FBXL17: variants seen among roughly 807,000 people sequenced by gnomAD.
FBXL17 encodes the protein F-box/LRR-repeat protein 17.
FBXL17 carries 22 observed loss-of-function variants against 66.2 expected under a neutral mutation model. The ratio of observed to expected loss-of-function variants is 0.33; its 90% CI spans 0.24 to 0.47. FBXL17 has a LOEUF of 0.47. Among genes scored for constraint, FBXL17 ranks in the 20% least tolerant of loss-of-function variants. FBXL17 has a pLI of 1.00. For missense variants in FBXL17, 878 were observed against 948.2 expected (o/e 0.93, Z 0.97); for synonymous variants, 474 against 400.5 (o/e 1.18, Z -2.19).
rs191170527 is a variant in FBXL17, at chr5:108,166,176, A to C, written c.1745+19941T>G. Among the ~76,000 whole-genome samples, 7 of 152,360 alleles carry C rather than the reference A, an allele frequency of 4.6e-5. No homozygotes were observed. In the East Asian group the frequency reaches 1.3e-3, roughly 29 times the overall value. On this transcript the variant is annotated intron_variant, in intron 6 of 8. Coordinates refer to ENST00000542267, the MANE Select transcript of FBXL17 (RefSeq NM_001163315.3). ...GAGTCAAGTGAGACTTTGATGTTGC[A>C]TTCCACTGTAATTCAGATATATCAA...
chr5:108,354,552 G>C (rs763482931), intron 3 of FBXL17, among the ~76,000 whole-genome samples: 1 of 151,748 alleles, frequency 6.6e-6, no homozygotes, highest in Admixed American at 6.6e-5. Flanking sequence ...GAGAGAGACA[G>C]GAACAGAGAA....
chr5:108,133,261 T>G (rs1427314520), intron 6 of FBXL17, among the ~76,000 whole-genome samples: 2 of 152,160 alleles, frequency 1.3e-5, no homozygotes, highest in East Asian at 3.8e-4. Context: ...GTATCTAAAA[T>G]TTTTTATATC....
At chr5:108,219,928 C>CTTTTTTTTTTTTTTTTTTTT in intron 5 of FBXL17, among the ~76,000 whole-genome samples, 47 of 37,468 alleles carry the variant, frequency 1.3e-3, no homozygotes, top group Non-Finnish European at 1.5e-3. Context: ...TTACTATTTC[C>CTTTTTTTTTTTTTTTTTTTT]TTTTTTTTTT....
intron 4 of FBXL17, among the ~76,000 whole-genome samples, chr5:108,237,939 C>T (rs1755679868): frequency 6.6e-6 from 1 of 152,116 alleles, no homozygotes; most frequent in Non-Finnish European, 1.5e-5. Context: ...TTATTAGAAG[C>T]CTTAAAAATG....
At chr5:108,061,598 T>A (rs960736388) in intron 6 of FBXL17, among the ~76,000 whole-genome samples, 1 of 152,146 alleles carries the variant, frequency 6.6e-6, no homozygotes, top group Admixed American at 6.5e-5. Flanking sequence ...TTAAAAGTAT[T>A]AAACGAATAG....
chr5:108,155,371 C>T (rs1036536302), intron 6 of FBXL17, among the ~76,000 whole-genome samples: 5 of 151,984 alleles, frequency 3.3e-5, no homozygotes, highest in East Asian at 1.9e-4. Context: ...AAAAATTAGC[C>T]GGGCGTGGTG....
At position 107,960,393 on chromosome 5, in the gene FBXL17, A is replaced by G. The variant is rs564565208; in HGVS notation, c.1822+60532T>C. On this transcript the variant is annotated intron_variant, in intron 7 of 8. Transcript: ENST00000542267. ...AACCATATTCACCATGCTGTGCAAC[A>G]CACCTCAAAAACATATTCCTTCTCT... Among the ~76,000 whole-genome samples, 40 of 152,178 alleles carry G rather than the reference A, an allele frequency of 2.6e-4. 1 individual carries two copies. The highest frequency in any genetic ancestry group is 4.4e-4 in the Non-Finnish European group (30 of 68,032).
At chr5:108,161,115 C>T (rs539495115) in intron 6 of FBXL17, among the ~76,000 whole-genome samples, 1 of 151,708 alleles carries the variant, frequency 6.6e-6, no homozygotes, top group Admixed American at 6.6e-5. Context: ...AAGAGAGTCC[C>T]GGGAGAAAAA....
intron 6 of FBXL17, among the ~76,000 whole-genome samples, chr5:108,141,439 T>C (rs1388173517): frequency 6.6e-6 from 1 of 152,218 alleles, no homozygotes; most frequent in Non-Finnish European, 1.5e-5. Flanking sequence ...TGCTGTTCTC[T>C]GAGCAGGGCA....
chr5:108,250,261 A>G (rs759118953), intron 4 of FBXL17, among the ~76,000 whole-genome samples: 1 of 152,140 alleles, frequency 6.6e-6, no homozygotes, highest in Non-Finnish European at 1.5e-5. Flanking sequence ...TCATCACAAT[A>G]TAGCTGCTAA....
intron 5 of FBXL17, among the ~76,000 whole-genome samples, chr5:108,209,158 T>C (rs2150058361): frequency 6.6e-6 from 1 of 152,334 alleles, no homozygotes; most frequent in African/African-American, 2.4e-5. Context: ...TGCACATTGA[T>C]TTTGTATCCT....
chr5:108,077,927 C>T (rs57987240), intron 6 of FBXL17, among the ~76,000 whole-genome samples: 2,103 of 152,238 alleles, frequency 0.014, 36 homozygotes, highest in African/African-American at 0.043. Flanking sequence ...TTCAGGAGAA[C>T]GCACACCAAC....
chr5:107,960,997 G>A (rs898613583), intron 7 of FBXL17, among the ~76,000 whole-genome samples: 2 of 152,052 alleles, frequency 1.3e-5, no homozygotes, highest in Non-Finnish European at 1.5e-5. Context: ...GGGTAGGATG[G>A]GTGCCAGAGA....
intron 7 of FBXL17, among the ~76,000 whole-genome samples, chr5:107,992,994 C>T (rs968594937): frequency 4.0e-4 from 61 of 152,146 alleles, no homozygotes; most frequent in Middle Eastern, 6.8e-3. Context: ...CTCCCAGGTT[C>T]ACGCCATTCT....
chr5:107,939,957 A>G (rs748935243), intron 7 of FBXL17, among the ~76,000 whole-genome samples: 2 of 152,150 alleles, frequency 1.3e-5, no homozygotes, highest in Non-Finnish European at 2.9e-5. Context: ...CCAGATGAAA[A>G]TCAATTAAGG....
At chr5:108,196,396 C>T (rs943631345) in intron 5 of FBXL17, among the ~76,000 whole-genome samples, 1 of 152,156 alleles carries the variant, frequency 6.6e-6, no homozygotes, top group African/African-American at 2.4e-5. Context: ...GAGCAGGAGA[C>T]TCTGCCCTCT....
intron 6 of FBXL17, among the ~76,000 whole-genome samples, chr5:108,117,418 AAG>A (rs1372027819): frequency 2.6e-5 from 4 of 152,220 alleles, no homozygotes; most frequent in Non-Finnish European, 5.9e-5. Context: ...ACAAATGAAA[AAG>A]AGTGTTTTAA....
chr5:108,146,200 C>T (rs1166772602), intron 6 of FBXL17, among the ~76,000 whole-genome samples: 1 of 151,618 alleles, frequency 6.6e-6, no homozygotes, highest in African/African-American at 2.4e-5. Flanking sequence ...CCACTGCACT[C>T]CAGCCTGGGC....
intron 6 of FBXL17, among the ~76,000 whole-genome samples, chr5:108,144,053 T>C (rs769111275): frequency 6.6e-6 from 1 of 152,042 alleles, no homozygotes; most frequent in African/African-American, 2.4e-5. Context: ...TATATGATGA[T>C]GGCAGAACAA....
Sources: gnomAD v4.1 joint callset for allele counts (sites outside exome capture counted in the v4.1 genomes callset) on GRCh38, gnomAD v4.1.1 for gene constraint, MANE v1.5 for transcripts, NCBI Gene and HGNC (gene_info 2026-07-23, HGNC 2026-07-21) for gene names.